Variants in STAG1 observed in about 807,000 individuals in gnomAD.
STAG1 encodes cohesin subunit SA-1.
STAG1 carries 26 observed loss-of-function variants against 170.9 expected under a neutral mutation model. The ratio of observed to expected loss-of-function variants is 0.15; its 90% confidence interval spans 0.11 to 0.21. The LOEUF (loss-of-function observed/expected upper bound fraction) is 0.21, where lower values mean the gene tolerates loss of function less well. Ranked by LOEUF, STAG1 falls within the 10% of genes least tolerant of loss-of-function variation. The pLI is 1.00. For synonymous variants in STAG1, 514 were observed against 497.7 expected (o/e 1.03, Z -0.44); for missense variants, 964 against 1,509.5 (o/e 0.64, Z 5.99).
intron 5 of STAG1, among the ~76,000 whole-genome samples, chr3:136,548,175 A>G (rs1323569840): frequency 6.6e-6 from 1 of 150,916 alleles, no homozygotes; most frequent in African/African-American, 2.4e-5. Flanking sequence ...GTGCAGTGGT[A>G]TGATCATGGC....
chr3:136,624,053 G>A (rs752787014), intron 2 of STAG1, among the ~76,000 whole-genome samples: 3 of 151,484 alleles, frequency 2.0e-5, no homozygotes, highest in East Asian at 1.9e-4. Context: ...CCACATAACC[G>A]ATTCTCACAA....
chr3:136,564,734 G>A (rs1936984666), intron 5 of STAG1, among the ~76,000 whole-genome samples: 1 of 151,670 alleles, frequency 6.6e-6, no homozygotes, highest in African/African-American at 2.4e-5. Flanking sequence ...CAAAGGATAG[G>A]AACAAAGAAT....
At chr3:136,658,428 T>C (rs532623013) in intron 1 of STAG1, among the ~76,000 whole-genome samples, 2 of 152,208 alleles carry the variant, frequency 1.3e-5, no homozygotes, top group South Asian at 2.1e-4. Context: ...AGGGTGTTGG[T>C]AGATATTGAT....
intron 1 of STAG1, chr3:136,737,031 T>C (rs1036286983): frequency 6.7e-7 from 1 of 1,497,634 alleles, no homozygotes; most frequent in Admixed American, 1.7e-5. Flanking sequence ...TTTTTATTTC[T>C]TCATCTGTAA....
intron 5 of STAG1, among the ~76,000 whole-genome samples, chr3:136,564,669 C>T (rs1399833683): frequency 6.6e-6 from 1 of 151,754 alleles, no homozygotes; most frequent in East Asian, 1.9e-4. Context: ...GTTTTAAGAC[C>T]CATTTTGTCA....
chr3:136,588,973 T>C (rs1937998984), intron 4 of STAG1, among the ~76,000 whole-genome samples: 1 of 152,074 alleles, frequency 6.6e-6, no homozygotes, highest in South Asian at 2.1e-4. Flanking sequence ...ATGTTGGCCA[T>C]GCTAATCTCG....
intron 1 of STAG1, among the ~76,000 whole-genome samples, chr3:136,743,185 A>T (rs1934762674): frequency 6.6e-6 from 1 of 152,062 alleles, no homozygotes; most frequent in African/African-American, 2.4e-5. Context: ...TGGCCAACAT[A>T]GTGAAACCCT....
At chr3:136,500,175 T>A in intron 9 of STAG1, 48 bp downstream of exon 9, 1 of 1,230,342 alleles carries the variant, frequency 8.1e-7, no homozygotes, top group South Asian at 1.3e-5. Context: ...AAAAAATCAA[T>A]AATTGTTTAA....
At chr3:136,526,584 A>G (rs1318394292) in intron 6 of STAG1, among the ~76,000 whole-genome samples, 3 of 152,194 alleles carry the variant, frequency 2.0e-5, no homozygotes, top group Non-Finnish European at 1.5e-5. Context: ...TGGAGCATTT[A>G]GTCCATTTAC....
chr3:136,394,679 T>C (rs1280930420), intron 22 of STAG1, among the ~76,000 whole-genome samples: 1 of 151,570 alleles, frequency 6.6e-6, no homozygotes, highest in East Asian at 1.9e-4. Context: ...CCCAGCAATT[T>C]GGGAGGCGAA....
At position 136,583,916 on chromosome 3, in the gene STAG1, T is replaced by C. The variant is rs189566516; in HGVS notation, c.298-15055A>G. On this transcript the variant is annotated intron_variant, in intron 4 of 33. Coordinates refer to ENST00000383202, the MANE Select transcript of STAG1 (RefSeq NM_005862.3). Reference sequence around the variant, plus strand: ...GCCCAAGACCGTCCCAGTTAAATAATGACAACTTTCTATCTTTGTCTCCTC... The same window carrying C: ...GCCCAAGACCGTCCCAGTTAAATAACGACAACTTTCTATCTTTGTCTCCTC... Among the ~76,000 whole-genome samples, 11 of 152,346 alleles carry C rather than the reference T, an allele frequency of 7.2e-5. No homozygotes were observed. The East Asian group carries it at 1.3e-3, about 19-fold the overall frequency.
chr3:136,424,998 C>A (rs61789645), intron 16 of STAG1, among the ~76,000 whole-genome samples: 6,120 of 152,116 alleles, frequency 0.04, 156 homozygotes, highest in East Asian at 0.13. Context: ...CACCACCACA[C>A]CTAGCTAATT....
chr3:136,377,357 A>C (rs1937656253), intron 23 of STAG1, among the ~76,000 whole-genome samples: 1 of 128,710 alleles, frequency 7.8e-6, no homozygotes, highest in Non-Finnish European at 1.6e-5. Context: ...ACTGCACTCC[A>C]GCCTGGGCGA....
chr3:136,708,905 A>G (rs2107916315), intron 1 of STAG1, among the ~76,000 whole-genome samples: 1 of 150,726 alleles, frequency 6.6e-6, no homozygotes, highest in East Asian at 2.0e-4. Flanking sequence ...TCGAGGCTGA[A>G]TCAACCCTCC....
intron 3 of STAG1, 102 bp downstream of exon 3, chr3:136,623,044 T>G (rs1576679981): frequency 3.1e-6 from 3 of 969,298 alleles, no homozygotes; most frequent in East Asian, 5.5e-5. Flanking sequence ...TCACTGAATT[T>G]TTTTTAAGTA....
intron 4 of STAG1, among the ~76,000 whole-genome samples, chr3:136,590,555 T>C (rs1047631275): frequency 6.6e-6 from 1 of 151,972 alleles, no homozygotes; most frequent in African/African-American, 2.4e-5. Context: ...ATGCAGCTTA[T>C]ATTTAGCACT....
chr3:136,505,278 C>T (rs942777861), intron 7 of STAG1, among the ~76,000 whole-genome samples: 6 of 152,108 alleles, frequency 3.9e-5, no homozygotes, highest in Admixed American at 2.0e-4. Flanking sequence ...GAGAAGAATA[C>T]GTCCTTCATT....
intron 6 of STAG1, among the ~76,000 whole-genome samples, chr3:136,529,334 T>C (rs1462639439): frequency 6.6e-6 from 1 of 152,118 alleles, no homozygotes. Context: ...TCATGGCACG[T>C]TATAGTCAAA....
At chr3:136,362,542 T>C (rs1936911114) in intron 26 of STAG1, among the ~76,000 whole-genome samples, 1 of 140,468 alleles carries the variant, frequency 7.1e-6, no homozygotes, top group Non-Finnish European at 1.5e-5. Context: ...CCGAGGTAGG[T>C]GGATCACTTG....
Sources: gnomAD v4.1 joint callset for allele counts (sites outside exome capture counted in the v4.1 genomes callset) on GRCh38, gnomAD v4.1.1 for gene constraint, MANE v1.5 for transcripts, NCBI Gene and HGNC (gene_info 2026-07-23, HGNC 2026-07-21) for gene names.